The following GSE1 variants were observed in gnomAD, a reference collection of about 807,000 sequenced individuals.
GSE1 encodes the protein Gse1 coiled-coil protein, also known as genetic suppressor element 1.
Under a neutral mutation model 112.6 loss-of-function variants are expected in GSE1, and 32 were observed. The ratio of observed to expected loss-of-function variants is 0.28; its 90% CI spans 0.21 to 0.38. GSE1 has a LOEUF of 0.38. Among genes scored for constraint, GSE1 ranks in the 10% least tolerant of loss-of-function variants. GSE1 has a pLI of 1.00. For missense variants in GSE1, 2,348 were observed against 1,699.2 expected (o/e 1.38, Z -6.71); for synonymous variants, 1,115 against 735.6 (o/e 1.52, Z -8.35).
intron 1 of GSE1, among the ~76,000 whole-genome samples, chr16:85,249,494 C>T (rs1906219567): frequency 6.6e-6 from 1 of 152,202 alleles, no homozygotes; most frequent in Non-Finnish European, 1.5e-5. Context: ...GGGATGCCAG[C>T]CAGAGCTCTG....
At chr16:85,294,970 C>T (rs985816750) in intron 1 of GSE1, among the ~76,000 whole-genome samples, 20 of 151,686 alleles carry the variant, frequency 1.3e-4, no homozygotes, top group African/African-American at 4.4e-4. Context: ...AGGCTGGTCT[C>T]GAACGTCTCA....
At chr16:85,626,811 G>C (rs1215361687) in intron 1 of GSE1, among the ~76,000 whole-genome samples, 1 of 152,076 alleles carries the variant, frequency 6.6e-6, no homozygotes, top group Non-Finnish European at 1.5e-5. Flanking sequence ...TGATTAATAA[G>C]CCCCTCCAGC....
chr16:85,464,360 T>G (rs1196176011), intron 2 of GSE1, among the ~76,000 whole-genome samples: 2 of 152,136 alleles, frequency 1.3e-5, no homozygotes, highest in East Asian at 1.9e-4. Context: ...GGCAGCCGCT[T>G]AGAGAAAAGG....
intron 1 of GSE1, among the ~76,000 whole-genome samples, chr16:85,299,155 C>A (rs189073300): frequency 1.3e-5 from 2 of 152,314 alleles, no homozygotes; most frequent in East Asian, 3.9e-4. Context: ...ATGTTTGCAC[C>A]GTCTTGTCTT....
At chr16:85,435,004 C>G (rs1006062097) in intron 2 of GSE1, among the ~76,000 whole-genome samples, 1 of 152,244 alleles carries the variant, frequency 6.6e-6, no homozygotes, top group East Asian at 1.9e-4. Flanking sequence ...AGGCCCCACA[C>G]TCAGGAGGGC....
At chr16:85,451,759 G>C (rs879244381) in intron 2 of GSE1, among the ~76,000 whole-genome samples, 5,722 of 47,616 alleles carry the variant, frequency 0.12, 1,731 homozygotes, top group East Asian at 0.38. Flanking sequence ...GCGTGCGCTG[G>C]TGGTGGTTGG....
chr16:85,438,229 G>A (rs1186935337), intron 2 of GSE1, among the ~76,000 whole-genome samples: 1 of 152,198 alleles, frequency 6.6e-6, no homozygotes, highest in East Asian at 1.9e-4. Context: ...GAGAGTGAAT[G>A]AATGAAGACT....
intron 2 of GSE1, among the ~76,000 whole-genome samples, chr16:85,637,196 G>A (rs760761560): frequency 1.6e-4 from 25 of 152,274 alleles, no homozygotes; most frequent in African/African-American, 3.4e-4. Context: ...CCCAGCCCCC[G>A]GCGGCCGCTG....
exon 1 of GSE1, chr16:85,170,609 C>T: frequency 1.0e-6 from 1 of 985,512 alleles, no homozygotes; most frequent in Non-Finnish European, 1.2e-6. Context: ...AGCCGGGCGG[C>T]ACCAGCAGAA....
At chr16:85,287,208 C>T (rs1193011961) in intron 1 of GSE1, among the ~76,000 whole-genome samples, 1 of 152,198 alleles carries the variant, frequency 6.6e-6, no homozygotes, top group Non-Finnish European at 1.5e-5. Context: ...AGATCTGGCT[C>T]CTGGAAACTG....
At chr16:85,364,497 G>T (rs1303023227) in intron 2 of GSE1, among the ~76,000 whole-genome samples, 1 of 152,222 alleles carries the variant, frequency 6.6e-6, no homozygotes, top group Non-Finnish European at 1.5e-5. Flanking sequence ...AAAGTCAGCT[G>T]CATTAGTCAG....
chr16:85,221,312 G>GCACA (rs377260826), intron 1 of GSE1, among the ~76,000 whole-genome samples: 16 of 137,848 alleles, frequency 1.2e-4, no homozygotes, highest in African/African-American at 3.2e-4. Context: ...TCCCTAGCGC[G>GCACA]CACACACACA....
At chr16:85,300,035 C>T (rs2045476865) in intron 1 of GSE1, among the ~76,000 whole-genome samples, 1 of 149,676 alleles carries the variant, frequency 6.7e-6, no homozygotes, top group Admixed American at 6.6e-5. Flanking sequence ...TTTTGAGACA[C>T]AGTTTTGCTC....
At chr16:85,316,587 C>T (rs576125271) in intron 1 of GSE1, among the ~76,000 whole-genome samples, 78 of 152,328 alleles carry the variant, frequency 5.1e-4, no homozygotes, top group African/African-American at 1.6e-3. Context: ...CTGGACTGCC[C>T]GTGGCCAGTA....
chr16:85,663,304 C>T (rs1443126569), intron 10 of GSE1, 40 bp from the exon 11 acceptor site: 3 of 1,606,666 alleles, frequency 1.9e-6, no homozygotes, highest in South Asian at 1.1e-5. Flanking sequence ...CATACCACTG[C>T]CAGTGGCTTC....
intron 1 of GSE1, among the ~76,000 whole-genome samples, chr16:85,209,361 C>T (rs2075183089): frequency 3.9e-5 from 6 of 152,176 alleles, no homozygotes; most frequent in Admixed American, 3.9e-4. Flanking sequence ...CGATGTGCAC[C>T]TCCTGGCTGT....
chr16:85,426,103 G>A (rs555260849), intron 2 of GSE1, among the ~76,000 whole-genome samples: 5 of 145,712 alleles, frequency 3.4e-5, no homozygotes, highest in Admixed American at 6.8e-5. Context: ...GAGAGGGAGG[G>A]AGGAAGGAAG....
At chr16:85,519,711 T>C (rs548880880) in intron 2 of GSE1, among the ~76,000 whole-genome samples, 97 of 124,558 alleles carry the variant, frequency 7.8e-4, no homozygotes, top group Middle Eastern at 9.6e-3. Flanking sequence ...TCTCCATCAC[T>C]GTCATCATCA....
intron 2 of GSE1, among the ~76,000 whole-genome samples, chr16:85,436,709 C>G (rs754223070): frequency 2.0e-5 from 3 of 152,214 alleles, no homozygotes; most frequent in Non-Finnish European, 4.4e-5. Context: ...GGCCCGTGGG[C>G]GCCTGTCTCC....
Sources: gnomAD v4.1 joint callset for allele counts (sites outside exome capture counted in the v4.1 genomes callset) on GRCh38, gnomAD v4.1.1 for gene constraint, MANE v1.5 for transcripts, NCBI Gene and HGNC (gene_info 2026-07-23, HGNC 2026-07-21) for gene names.